Variants in SV2C observed in about 807,000 individuals in gnomAD.
SV2C encodes the protein synaptic vesicle glycoprotein 2C, also known as solute carrier family 22 member B3.
In SV2C, 49 loss-of-function variants were observed where a neutral mutation model predicts 79.7. The ratio of observed to expected loss-of-function variants is 0.61; its 90% CI spans 0.49 to 0.78. The LOEUF (loss-of-function observed/expected upper bound fraction) is 0.78, where lower values mean the gene tolerates loss of function less well. SV2C is among the 30% of genes least tolerant of loss of function. The pLI is 0.00. For missense variants in SV2C, 833 were observed against 912.9 expected, an observed-to-expected ratio of 0.91 and a Z score of 1.13; for synonymous variants, 334 against 333.2, an observed-to-expected ratio of 1.00 and a Z score of -0.03.
At chr5:75,958,791 G>T in the SV2C span, among the ~76,000 whole-genome samples, 1 of 151,936 alleles carries the variant, frequency 6.6e-6, no homozygotes. Context: ...GGGAATGGGG[G>T]TGGGATGTGG....
chr5:76,053,204 G>A, the SV2C span, among the ~76,000 whole-genome samples: 1 of 151,744 alleles, frequency 6.6e-6, no homozygotes, highest in African/African-American at 2.4e-5. Context: ...GAAGAAAGCT[G>A]ACCTTTTTTG....
At chr5:76,334,123 G>A (rs772818786), downstream of SV2C, among the ~76,000 whole-genome samples, 28 of 152,148 alleles carry the variant, frequency 1.8e-4, no homozygotes, top group East Asian at 3.8e-4. Context: ...TTGATCTTAC[G>A]TGAGTATTTT....
chr5:75,973,856 T>C, the SV2C span, among the ~76,000 whole-genome samples: 2 of 152,182 alleles, frequency 1.3e-5, no homozygotes, highest in African/African-American at 2.4e-5. Context: ...ACTAACCTCA[T>C]GTCATATGAA....
the SV2C span, among the ~76,000 whole-genome samples, chr5:75,907,330 G>A: frequency 6.6e-6 from 1 of 152,166 alleles, no homozygotes; most frequent in South Asian, 2.1e-4. Flanking sequence ...CACCTCCAAA[G>A]CAGCACTCTG....
At chr5:76,008,394 T>C in the SV2C span, among the ~76,000 whole-genome samples, 3 of 152,278 alleles carry the variant, frequency 2.0e-5, no homozygotes, top group East Asian at 1.9e-4. Context: ...TTTTCACCTA[T>C]ATCCACAGAG....
At chr5:76,106,776 T>G (rs1747931952) in intron 1 of SV2C, among the ~76,000 whole-genome samples, 1 of 152,148 alleles carries the variant, frequency 6.6e-6, no homozygotes, top group South Asian at 2.1e-4. Flanking sequence ...ACACAACCTA[T>G]CCCCTCCCTA....
chr5:75,900,739 G>A, the SV2C span, among the ~76,000 whole-genome samples: 3 of 151,938 alleles, frequency 2.0e-5, no homozygotes, highest in Non-Finnish European at 4.4e-5. Flanking sequence ...ATGTAGATTT[G>A]GTCTTTTCAC....
chr5:76,040,423 C>G, the SV2C span, among the ~76,000 whole-genome samples: 2 of 152,116 alleles, frequency 1.3e-5, no homozygotes, highest in African/African-American at 4.8e-5. Flanking sequence ...CAAAGGATAT[C>G]GAATAATGCA....
chr5:75,917,375 A>G, the SV2C span, among the ~76,000 whole-genome samples: 1 of 152,222 alleles, frequency 6.6e-6, no homozygotes, highest in Non-Finnish European at 1.5e-5. Context: ...GTTTAGCACT[A>G]TATCAGAGTG....
chr5:75,956,598 G>T, the SV2C span, among the ~76,000 whole-genome samples: 1 of 151,808 alleles, frequency 6.6e-6, no homozygotes, highest in Non-Finnish European at 1.5e-5. Flanking sequence ...AGGGTAGCTC[G>T]GGTTGAAAAT....
chr5:76,190,287 A>G (rs900889896), intron 2 of SV2C, among the ~76,000 whole-genome samples: 1 of 152,234 alleles, frequency 6.6e-6, no homozygotes, highest in Non-Finnish European at 1.5e-5. Context: ...CTCCTAGTAC[A>G]AAAAGGAAAA....
chr5:75,948,310 A>G, the SV2C span, among the ~76,000 whole-genome samples: 1 of 152,096 alleles, frequency 6.6e-6, no homozygotes, highest in Non-Finnish European at 1.5e-5. Context: ...ATAATTAAAC[A>G]GCTTTCTTTA....
At chr5:75,952,273 TC>T in the SV2C span, among the ~76,000 whole-genome samples, 1 of 148,832 alleles carries the variant, frequency 6.7e-6, no homozygotes, top group Admixed American at 6.7e-5. Context: ...CTTCCTTCCT[TC>T]CTTCCTTCCT....
intron 2 of SV2C, among the ~76,000 whole-genome samples, chr5:76,155,458 C>T (rs1238077579): frequency 6.6e-6 from 1 of 152,112 alleles, no homozygotes; most frequent in African/African-American, 2.4e-5. Flanking sequence ...TCCTTCTACC[C>T]CAGCTCCTAA....
the SV2C span, among the ~76,000 whole-genome samples, chr5:75,902,513 T>A: frequency 1.8e-4 from 28 of 152,360 alleles, no homozygotes; most frequent in Non-Finnish European, 2.1e-4. Context: ...ACCTTTGGAT[T>A]TGGCCATTTG....
At chr5:76,221,278 C>T (rs146076028) in intron 4 of SV2C, among the ~76,000 whole-genome samples, 127 of 152,292 alleles carry the variant, frequency 8.3e-4, no homozygotes, top group South Asian at 3.3e-3. Flanking sequence ...GGAATCCTTC[C>T]TTAGATGGCT....
chr5:76,297,994 T>C (rs1747836021), intron 9 of SV2C, among the ~76,000 whole-genome samples: 1 of 152,146 alleles, frequency 6.6e-6, no homozygotes, highest in Non-Finnish European at 1.5e-5. Context: ...GGAGTCCTTA[T>C]CAATGCTGAT....
chr5:76,082,435 C>A (rs1342595246), upstream of SV2C: 1 of 151,796 alleles, frequency 6.6e-6, no homozygotes, highest in Non-Finnish European at 1.5e-5. Context: ...TCTGACAACA[C>A]AAGCAAAATT....
At chr5:75,877,105 CAT>C in the SV2C span, among the ~76,000 whole-genome samples, 153 of 152,012 alleles carry the variant, frequency 1.0e-3, no homozygotes, top group Admixed American at 6.6e-3. Flanking sequence ...TGTAAAAAGA[CAT>C]ATTATCAAAA....
Sources: gnomAD v4.1 joint callset for allele counts (sites outside exome capture counted in the v4.1 genomes callset) on GRCh38, gnomAD v4.1.1 for gene constraint, MANE v1.5 for transcripts, NCBI Gene and HGNC (gene_info 2026-07-23, HGNC 2026-07-21) for gene names.